ADARB2: variants seen among roughly 807,000 people sequenced by gnomAD.
ADARB2 encodes inactive double-stranded RNA-specific editase B2.
In ADARB2, 25 loss-of-function variants were observed where a neutral mutation model predicts 62.2. The ratio of observed to expected loss-of-function variants is 0.40; its 90% CI spans 0.29 to 0.56. The LOEUF (loss-of-function observed/expected upper bound fraction) is 0.56, where lower values mean the gene tolerates loss of function less well. Ranked by LOEUF, ADARB2 falls within the 20% of genes least tolerant of loss-of-function variation. The pLI is 0.43. For synonymous variants in ADARB2, 572 were observed against 500.8 expected (o/e 1.14, Z -1.90); for missense variants, 1,071 against 1,077.4 (o/e 0.99, Z 0.08).
chr10:1,655,092 T>G (rs1834157941), intron 1 of ADARB2, among the ~76,000 whole-genome samples: 1 of 152,016 alleles, frequency 6.6e-6, no homozygotes, highest in Non-Finnish European at 1.5e-5. Context: ...GACTGGGAGG[T>G]GAGGTTCCAG....
chr10:1,717,496 T>G (rs1835034539), intron 1 of ADARB2, among the ~76,000 whole-genome samples: 1 of 151,424 alleles, frequency 6.6e-6, no homozygotes. Flanking sequence ...CTTCCTTCCT[T>G]TCCTTTCTTT....
intron 1 of ADARB2, among the ~76,000 whole-genome samples, chr10:1,708,846 C>G (rs920675828): frequency 6.6e-6 from 1 of 152,164 alleles, no homozygotes; most frequent in Non-Finnish European, 1.5e-5. Context: ...AATCCATCCT[C>G]CAGCCTGCAA....
chr10:1,276,461 C>A (rs1366066012), intron 3 of ADARB2, among the ~76,000 whole-genome samples: 1 of 151,996 alleles, frequency 6.6e-6, no homozygotes, highest in Non-Finnish European at 1.5e-5. Flanking sequence ...TGTAGTTTGC[C>A]TGTTCACTCT....
chr10:1,722,156 G>A (rs1835101267), intron 1 of ADARB2, among the ~76,000 whole-genome samples: 1 of 152,078 alleles, frequency 6.6e-6, no homozygotes, highest in Non-Finnish European at 1.5e-5. Flanking sequence ...TTACACTGTG[G>A]GGGTGCTACA....
At chr10:1,610,618 C>T (rs889765673) in intron 1 of ADARB2, among the ~76,000 whole-genome samples, 3 of 152,152 alleles carry the variant, frequency 2.0e-5, no homozygotes, top group South Asian at 2.1e-4. Flanking sequence ...TCAGAGCCCT[C>T]GTCTAGGGAC....
intron 2 of ADARB2, among the ~76,000 whole-genome samples, chr10:1,369,287 T>G (rs1006039308): frequency 2.0e-5 from 3 of 152,268 alleles, no homozygotes; most frequent in Middle Eastern, 3.4e-3. Context: ...AGTAGAAAGC[T>G]ATTGATGGAA....
At chr10:1,591,264 G>A (rs914383827) in intron 1 of ADARB2, among the ~76,000 whole-genome samples, 1 of 152,206 alleles carries the variant, frequency 6.6e-6, no homozygotes, top group Non-Finnish European at 1.5e-5. Flanking sequence ...TGCTGTCCCT[G>A]CCTCGGCCAC....
intron 7 of ADARB2, chr10:1,215,968 G>A (rs572043549): frequency 6.6e-6 from 1 of 152,062 alleles, no homozygotes; most frequent in East Asian, 2.0e-4. Flanking sequence ...ACGTTGGGGA[G>A]GCCTCAGGGC....
intron 1 of ADARB2, among the ~76,000 whole-genome samples, chr10:1,493,087 C>T (rs773752263): frequency 1.3e-5 from 2 of 152,178 alleles, no homozygotes; most frequent in African/African-American, 2.4e-5. Context: ...TGTAAAAATG[C>T]TTCATCAGAA....
At chr10:1,573,098 T>G (rs1832962423) in intron 1 of ADARB2, among the ~76,000 whole-genome samples, 1 of 152,218 alleles carries the variant, frequency 6.6e-6, no homozygotes, top group African/African-American at 2.4e-5. Flanking sequence ...GCTTTGGGCT[T>G]CAGTTCAGGA....
intron 1 of ADARB2, among the ~76,000 whole-genome samples, chr10:1,659,931 T>C (rs1834223440): frequency 1.4e-5 from 2 of 147,606 alleles, no homozygotes; most frequent in East Asian, 4.3e-4. Context: ...TCTTCCTCCA[T>C]TGCCTGCCCT....
chr10:1,581,128 A>G (rs1046541638), intron 1 of ADARB2, among the ~76,000 whole-genome samples: 2 of 152,218 alleles, frequency 1.3e-5, no homozygotes, highest in Non-Finnish European at 2.9e-5. Flanking sequence ...ACGGCCCTCT[A>G]TATCCTCGCC....
At chr10:1,273,851 G>C (rs897578217) in intron 3 of ADARB2, among the ~76,000 whole-genome samples, 3 of 152,322 alleles carry the variant, frequency 2.0e-5, no homozygotes, top group African/African-American at 7.2e-5. Context: ...AAAGCATCCG[G>C]GCACAGGGTT....
At chr10:1,572,856 C>T (rs1305338634) in intron 1 of ADARB2, among the ~76,000 whole-genome samples, 1 of 152,220 alleles carries the variant, frequency 6.6e-6, no homozygotes, top group Non-Finnish European at 1.5e-5. Context: ...CCAAATGCTC[C>T]TAGTGCTCTT....
intron 6 of ADARB2, among the ~76,000 whole-genome samples, chr10:1,219,571 A>C (rs979355791): frequency 4.6e-5 from 7 of 152,226 alleles, no homozygotes; most frequent in Admixed American, 4.6e-4. Context: ...AGCGAATGAG[A>C]GGTATTGAGC....
At chr10:1,639,182 T>A (rs1316398667) in intron 1 of ADARB2, among the ~76,000 whole-genome samples, 1 of 152,248 alleles carries the variant, frequency 6.6e-6, no homozygotes, top group Non-Finnish European at 1.5e-5. Flanking sequence ...AAGCCTGTCC[T>A]GGAACTGAGC....
At chr10:1,276,358 G>GT (rs953043729) in intron 3 of ADARB2, among the ~76,000 whole-genome samples, 8 of 151,896 alleles carry the variant, frequency 5.3e-5, no homozygotes, top group South Asian at 2.1e-4. Context: ...GGGGCTGTTT[G>GT]TTTTTTTTCT....
intron 1 of ADARB2, among the ~76,000 whole-genome samples, chr10:1,437,276 A>G (rs943416060): frequency 2.5e-4 from 38 of 152,218 alleles, no homozygotes; most frequent in Admixed American, 2.4e-3. Context: ...ATGCACATAT[A>G]TATATATAGC....
intron 1 of ADARB2, among the ~76,000 whole-genome samples, chr10:1,630,515 T>G (rs906216862): frequency 3.9e-5 from 6 of 152,098 alleles, no homozygotes; most frequent in African/African-American, 1.4e-4. Flanking sequence ...GTCTCTACCC[T>G]CGCTCAGCTC....
Sources: allele counts gnomAD v4.1 joint callset (sites outside exome capture counted in the v4.1 genomes callset), GRCh38; gene constraint gnomAD v4.1.1; transcripts MANE v1.5; gene names NCBI Gene and HGNC (gene_info 2026-07-23, HGNC 2026-07-21).